The following DLG2 variants were observed in gnomAD, a reference collection of about 807,000 sequenced individuals.
The protein encoded by DLG2 is disks large homolog 2.
DLG2 carries 45 observed loss-of-function variants against 132.5 expected under a neutral mutation model. The ratio of observed to expected loss-of-function variants is 0.34; its 90% CI spans 0.27 to 0.44. The LOEUF is 0.44. Among genes scored for constraint, DLG2 ranks in the 20% least tolerant of loss-of-function variants. DLG2 has a pLI of 1.00. For synonymous variants in DLG2, 424 were observed against 419.6 expected (o/e 1.01, Z -0.13); for missense variants, 1,045 against 1,196.9 (o/e 0.87, Z 1.87).
At chr11:83,612,331 A>G (rs1236980957) in intron 19 of DLG2, among the ~76,000 whole-genome samples, 1 of 152,232 alleles carries the variant, frequency 6.6e-6, no homozygotes, top group East Asian at 1.9e-4. Context: ...ATAGGTCAAT[A>G]ATGTTTTATC....
At chr11:84,287,705 C>G (rs893283478) in intron 7 of DLG2, among the ~76,000 whole-genome samples, 12 of 150,492 alleles carry the variant, frequency 8.0e-5, no homozygotes, top group Non-Finnish European at 1.8e-4. Flanking sequence ...ACTTCTACCT[C>G]TCTCCTTCTC....
At chr11:84,277,421 A>G (rs527470777) in intron 7 of DLG2, among the ~76,000 whole-genome samples, 1 of 152,326 alleles carries the variant, frequency 6.6e-6, no homozygotes, top group African/African-American at 2.4e-5. Flanking sequence ...ATAACAGAAC[A>G]ATCTCTGGAA....
chr11:84,652,194 G>T (rs992386435), intron 6 of DLG2, among the ~76,000 whole-genome samples: 5 of 152,138 alleles, frequency 3.3e-5, no homozygotes, highest in African/African-American at 9.7e-5. Flanking sequence ...TCCAAAGTTT[G>T]TCATAACTTT....
intron 4 of DLG2, among the ~76,000 whole-genome samples, chr11:85,227,838 A>T (rs1452933130): frequency 6.6e-6 from 1 of 151,292 alleles, no homozygotes; most frequent in East Asian, 1.9e-4. Context: ...CTCTAGCCAC[A>T]CTCTTCTCCT....
chr11:84,555,674 G>C (rs1395223825), intron 6 of DLG2, among the ~76,000 whole-genome samples: 1 of 152,186 alleles, frequency 6.6e-6, no homozygotes, highest in East Asian at 1.9e-4. Context: ...GGAAGAAATA[G>C]GGAGCTGTTT....
chr11:83,701,535 T>C (rs927933949), intron 18 of DLG2, among the ~76,000 whole-genome samples: 2 of 152,124 alleles, frequency 1.3e-5, no homozygotes, highest in Non-Finnish European at 2.9e-5. Context: ...ATAGTCCTTG[T>C]ACACAGAAAG....
intron 18 of DLG2, among the ~76,000 whole-genome samples, chr11:83,711,927 CACA>C (rs2085517241): frequency 6.6e-6 from 1 of 152,000 alleles, no homozygotes; most frequent in Non-Finnish European, 1.5e-5. Context: ...AAATCAAAAC[CACA>C]ACGAGATACT....
intron 6 of DLG2, among the ~76,000 whole-genome samples, chr11:84,968,284 T>G (rs533030796): frequency 1.3e-5 from 2 of 152,188 alleles, no homozygotes; most frequent in African/African-American, 2.4e-5. Context: ...TATTTGTGTA[T>G]ATGTACATGT....
At chr11:84,193,059 G>A (rs923626965) in intron 8 of DLG2, among the ~76,000 whole-genome samples, 8 of 152,216 alleles carry the variant, frequency 5.3e-5, no homozygotes, top group Non-Finnish European at 1.0e-4. Context: ...AACAATGCAT[G>A]TAGTTGATAG....
intron 6 of DLG2, among the ~76,000 whole-genome samples, chr11:85,023,576 A>G (rs1169787736): frequency 2.0e-5 from 3 of 152,100 alleles, no homozygotes; most frequent in Non-Finnish European, 4.4e-5. Flanking sequence ...AAATAAATAC[A>G]CAAACAAAAT....
At chr11:84,517,181 C>T (rs1018551931) in intron 7 of DLG2, among the ~76,000 whole-genome samples, 1 of 150,592 alleles carries the variant, frequency 6.6e-6, no homozygotes, top group Admixed American at 6.6e-5. Flanking sequence ...AAAGCTTCAG[C>T]ACAGCAAAGG....
intron 8 of DLG2, among the ~76,000 whole-genome samples, chr11:84,197,036 CAAAAA>C (rs60877284): frequency 0.022 from 1,955 of 87,984 alleles, 17 homozygotes; most frequent in African/African-American, 0.077. Flanking sequence ...GACTCTTTCT[CAAAAA>C]AAAAAAAAAA....
intron 6 of DLG2, among the ~76,000 whole-genome samples, chr11:84,714,605 T>TCTCTC (rs2060921839): frequency 3.5e-4 from 35 of 99,454 alleles, no homozygotes; most frequent in African/African-American, 1.5e-3. Context: ...TTCTTTCTCT[T>TCTCTC]TCTCTTTCTC....
chr11:83,541,194 A>T (rs2096058415), intron 20 of DLG2, among the ~76,000 whole-genome samples: 1 of 152,208 alleles, frequency 6.6e-6, no homozygotes, highest in Non-Finnish European at 1.5e-5. Context: ...CTCACATCCC[A>T]AGCACCTGAA....
intron 4 of DLG2, among the ~76,000 whole-genome samples, chr11:85,249,795 G>T (rs2076310461): frequency 6.6e-6 from 1 of 152,154 alleles, no homozygotes; most frequent in African/African-American, 2.4e-5. Flanking sequence ...CAAGGAACTA[G>T]ATTACCTTTG....
At chr11:84,771,000 G>A (rs553788203) in intron 6 of DLG2, among the ~76,000 whole-genome samples, 37 of 152,066 alleles carry the variant, frequency 2.4e-4, no homozygotes, top group African/African-American at 8.0e-4. Flanking sequence ...GTATACGTAC[G>A]CCATTTTCTT....
chr11:85,152,389 C>T (rs944752059), intron 5 of DLG2, among the ~76,000 whole-genome samples: 2 of 152,038 alleles, frequency 1.3e-5, no homozygotes, highest in Non-Finnish European at 1.5e-5. Context: ...TACAGGCACA[C>T]ACCACCACAC....
intron 6 of DLG2, among the ~76,000 whole-genome samples, chr11:84,538,975 C>T (rs2099361828): frequency 6.6e-6 from 1 of 152,118 alleles, no homozygotes; most frequent in Non-Finnish European, 1.5e-5. Flanking sequence ...GTATTCAAAT[C>T]TTTATTTCCT....
intron 6 of DLG2, among the ~76,000 whole-genome samples, chr11:84,567,527 A>G (rs1455760740): frequency 1.3e-5 from 2 of 152,210 alleles, no homozygotes; most frequent in East Asian, 3.9e-4. Context: ...CTTTTCCAAC[A>G]ATTAGGCTGA....
Sources: allele counts gnomAD v4.1 joint callset (sites outside exome capture counted in the v4.1 genomes callset), GRCh38; gene constraint gnomAD v4.1.1; transcripts MANE v1.5; gene names NCBI Gene and HGNC (gene_info 2026-07-23, HGNC 2026-07-21).